The following RSRC1 variants were observed in gnomAD, a reference collection of about 807,000 sequenced individuals.
The protein encoded by RSRC1 is arginine and serine rich coiled-coil 1.
In RSRC1, 39 loss-of-function variants were observed where a neutral mutation model predicts 49.1. The ratio of observed to expected loss-of-function variants is 0.79; its 90% CI spans 0.61 to 1.04. The LOEUF is 1.04. Ranked by LOEUF, RSRC1 falls within the 50% of genes least tolerant of loss-of-function variation. The pLI, the probability that RSRC1 is intolerant of heterozygous loss-of-function variation, is 0.00. For missense variants in RSRC1, 388 were observed against 402.4 expected (o/e 0.96, Z 0.31); for synonymous variants, 143 against 130.8 (o/e 1.09, Z -0.63).
At chr3:158,318,366 G>C (rs1336821398) in intron 5 of RSRC1, among the ~76,000 whole-genome samples, 1 of 152,182 alleles carries the variant, frequency 6.6e-6, no homozygotes, top group East Asian at 1.9e-4. Context: ...GTGAAACCCT[G>C]TCTCTACCAA....
chr3:158,449,748 C>G (rs1216523102), intron 6 of RSRC1, among the ~76,000 whole-genome samples: 1 of 151,970 alleles, frequency 6.6e-6, no homozygotes, highest in African/African-American at 2.4e-5. Flanking sequence ...CTTGACTGCA[C>G]TGAATATGAT....
At chr3:158,434,659 A>G (rs1015455216) in intron 6 of RSRC1, among the ~76,000 whole-genome samples, 1 of 151,922 alleles carries the variant, frequency 6.6e-6, no homozygotes, top group African/African-American at 2.4e-5. Flanking sequence ...CCAACTTGCA[A>G]TGTGTGTTAC....
At chr3:158,304,653 G>A (rs1413965805) in intron 5 of RSRC1, among the ~76,000 whole-genome samples, 2 of 151,998 alleles carry the variant, frequency 1.3e-5, no homozygotes, top group African/African-American at 4.8e-5. Context: ...ATATTTATTA[G>A]CTCATGTCAC....
chr3:158,525,887 G>A (rs184319451), intron 7 of RSRC1, among the ~76,000 whole-genome samples: 7 of 152,026 alleles, frequency 4.6e-5, no homozygotes, highest in Middle Eastern at 3.4e-3. Context: ...TCAGGGTAGA[G>A]ATAGAAATTG....
chr3:158,500,316 C>G lies in RSRC1; in HGVS notation c.653-36776C>G, dbSNP rs569023938. Reference sequence around the variant, plus strand: ...ATCTATGTTCATCAAGGATATCGGTCTGTAGTGTTCTTTTTTTGGTTATGT... The same window carrying G: ...ATCTATGTTCATCAAGGATATCGGTGTGTAGTGTTCTTTTTTTGGTTATGT... On this transcript the variant is annotated intron_variant, in intron 7 of 9. Transcript: ENST00000611884. 8.5e-5 allele frequency among the ~76,000 whole-genome samples: 13 copies of G among 152,162 alleles called. No homozygotes were observed. In the South Asian group the frequency reaches 1.9e-3, roughly 22 times the overall value.
chr3:158,522,852 T>C (rs1206411793), intron 7 of RSRC1, among the ~76,000 whole-genome samples: 1 of 152,086 alleles, frequency 6.6e-6, no homozygotes, highest in Non-Finnish European at 1.5e-5. Flanking sequence ...CATTCTTTAT[T>C]CTCCTTTTTG....
At chr3:158,314,974 G>T (rs997767679) in intron 5 of RSRC1, among the ~76,000 whole-genome samples, 40 of 151,654 alleles carry the variant, frequency 2.6e-4, no homozygotes, top group Non-Finnish European at 4.6e-4. Flanking sequence ...AGAGGTTGCC[G>T]TGAGCCAAGA....
At chr3:158,495,714 C>A (rs1278319670) in intron 7 of RSRC1, among the ~76,000 whole-genome samples, 2 of 152,148 alleles carry the variant, frequency 1.3e-5, no homozygotes, top group Non-Finnish European at 2.9e-5. Context: ...CAAACTAAGA[C>A]CAATCAGCCA....
intron 5 of RSRC1, among the ~76,000 whole-genome samples, chr3:158,307,132 G>GT (rs1191415411): frequency 7.3e-5 from 11 of 150,896 alleles, no homozygotes; most frequent in South Asian, 6.3e-4. Flanking sequence ...TAGGTAACAG[G>GT]TTTGTTTGTT....
At chr3:158,281,403 G>A (rs1257468834) in intron 4 of RSRC1, among the ~76,000 whole-genome samples, 1 of 151,468 alleles carries the variant, frequency 6.6e-6, no homozygotes, top group Non-Finnish European at 1.5e-5. Context: ...GCTTATGAAT[G>A]ATATACATTT....
chr3:158,187,749 A>T (rs1169471663), intron 3 of RSRC1, among the ~76,000 whole-genome samples: 3 of 151,988 alleles, frequency 2.0e-5, no homozygotes, highest in Non-Finnish European at 4.4e-5. Flanking sequence ...TGTTTGCTTA[A>T]CTTGTCTTAG....
intron 5 of RSRC1, among the ~76,000 whole-genome samples, chr3:158,313,172 C>T (rs1009726496): frequency 6.6e-6 from 1 of 152,058 alleles, no homozygotes; most frequent in Non-Finnish European, 1.5e-5. Context: ...TGATCCATCC[C>T]ATCCCCAGGA....
chr3:158,366,154 G>C (rs1731759583), intron 6 of RSRC1, among the ~76,000 whole-genome samples: 1 of 152,142 alleles, frequency 6.6e-6, no homozygotes, highest in Non-Finnish European at 1.5e-5. Context: ...AGTTTAATTA[G>C]ATCTCATTTG....
rs151196472 is a variant in RSRC1 at position 158,329,617 on chromosome 3, C to T, written c.532-25240C>T. ...CTGGAAGCTTCATCTCAGAGGGGTA[C>T]CCGGCTGTGTGAGCTGTCAGTGTGC... On this transcript the variant is annotated intron_variant, in intron 5 of 9. Transcript: ENST00000611884. 5.4e-4 allele frequency among the ~76,000 whole-genome samples: 82 copies of T among 152,296 alleles called. 1 individual carries two copies. In the East Asian group the frequency reaches 0.014, roughly 26 times the overall value.
At position 158,254,020 on chromosome 3, in the gene RSRC1, G is replaced by A. The variant is rs534288537; in HGVS notation, c.495-44019G>A. On this transcript the variant is annotated intron_variant, in intron 4 of 9. Coordinates refer to ENST00000611884, the MANE Select transcript of RSRC1 (RefSeq NM_001271838.2). The stretch of plus-strand genomic sequence containing the variant: ...TGTAAGTGAGAACGTGCAGTGTTTG[G>A]TTTTCTGTCCTTGTGTTAGTTTGCT... 9.2e-5 allele frequency among the ~76,000 whole-genome samples: 14 copies of A among 152,204 alleles called. 1 individual carries two copies. The South Asian group carries it at 2.9e-3, about 32-fold the overall frequency.
intron 6 of RSRC1, among the ~76,000 whole-genome samples, chr3:158,443,076 C>A (rs908818277): frequency 6.6e-6 from 1 of 152,028 alleles, no homozygotes; most frequent in African/African-American, 2.4e-5. Context: ...TTTGTTGTTC[C>A]ATTTATAGAG....
chr3:158,162,960 AT>A (rs1718322566), intron 3 of RSRC1, among the ~76,000 whole-genome samples: 1 of 152,220 alleles, frequency 6.6e-6, no homozygotes, highest in South Asian at 2.1e-4. Flanking sequence ...ATATTGTGTT[AT>A]TTTGTTATCA....
At chr3:158,466,604 T>C (rs1284851068) in intron 7 of RSRC1, among the ~76,000 whole-genome samples, 2 of 152,242 alleles carry the variant, frequency 1.3e-5, no homozygotes. Flanking sequence ...TAGCCCTAGC[T>C]AGCTTCCTTT....
At chr3:158,118,297 C>T (rs1035861524) in intron 1 of RSRC1, among the ~76,000 whole-genome samples, 10 of 151,908 alleles carry the variant, frequency 6.6e-5, no homozygotes, top group African/African-American at 2.2e-4. Context: ...GTCACTCAGG[C>T]GGGAGTGCAG....
Sources: allele counts gnomAD v4.1 joint callset (sites outside exome capture counted in the v4.1 genomes callset), GRCh38; gene constraint gnomAD v4.1.1; transcripts MANE v1.5; gene names NCBI Gene and HGNC (gene_info 2026-07-23, HGNC 2026-07-21).